Variants in DCLK1 observed in about 807,000 individuals in gnomAD.
The protein encoded by DCLK1 is serine/threonine-protein kinase DCLK1.
A neutral mutation model predicts 86.2 loss-of-function variants in DCLK1; 16 were observed. That is an observed-to-expected ratio of 0.19 (90% CI 0.13 to 0.28). DCLK1 has a LOEUF of 0.28. Ranked by LOEUF, DCLK1 falls within the 10% of genes least tolerant of loss-of-function variation. The pLI is 1.00. For synonymous variants in DCLK1, 369 were observed against 370.5 expected (o/e 1.00, Z 0.05); for missense variants, 590 against 940.2 (o/e 0.63, Z 4.87).
chr13:35,869,541 T>A (rs1234726689), intron 5 of DCLK1, among the ~76,000 whole-genome samples: 1 of 152,204 alleles, frequency 6.6e-6, no homozygotes, highest in Non-Finnish European at 1.5e-5. Flanking sequence ...AAGGAAGTCA[T>A]CTCTGTCATG....
intron 4 of DCLK1, among the ~76,000 whole-genome samples, chr13:35,921,314 C>T (rs939166525): frequency 1.3e-5 from 2 of 152,104 alleles, no homozygotes; most frequent in African/African-American, 4.8e-5. Context: ...GTGTGTGTTC[C>T]CTGTACCTGA....
intron 6 of DCLK1, chr13:35,850,144 A>G: frequency 1.0e-6 from 1 of 985,280 alleles, no homozygotes; most frequent in Non-Finnish European, 1.2e-6. Flanking sequence ...GTACTAACCC[A>G]CAAAACAGTA....
chr13:35,943,978 A>C (rs1313468333), intron 4 of DCLK1, among the ~76,000 whole-genome samples: 3 of 152,128 alleles, frequency 2.0e-5, no homozygotes, highest in Non-Finnish European at 2.9e-5. Flanking sequence ...CAAGGTGCTA[A>C]GATTCTACTG....
chr13:35,828,629 T>C (rs1171073682), intron 8 of DCLK1, among the ~76,000 whole-genome samples: 1 of 152,144 alleles, frequency 6.6e-6, no homozygotes, highest in East Asian at 1.9e-4. Context: ...TTTCCTTCCT[T>C]TTCTTACTGT....
intron 16 of DCLK1, among the ~76,000 whole-genome samples, chr13:35,784,805 A>T (rs893034604): frequency 2.0e-5 from 3 of 152,084 alleles, no homozygotes; most frequent in Non-Finnish European, 4.4e-5. Context: ...AGCAACCTGC[A>T]ATGCATTGCA....
chr13:35,914,056 G>A (rs1252905045), intron 4 of DCLK1, among the ~76,000 whole-genome samples: 3 of 152,078 alleles, frequency 2.0e-5, no homozygotes, highest in African/African-American at 7.2e-5. Context: ...GATGGCTCAT[G>A]CCTGTAGTCC....
intron 3 of DCLK1, among the ~76,000 whole-genome samples, chr13:36,087,709 C>T (rs1408424561): frequency 1.3e-5 from 2 of 152,088 alleles, no homozygotes; most frequent in Non-Finnish European, 2.9e-5. Flanking sequence ...TCTCCCTCCT[C>T]TCCACTCTCT....
intron 4 of DCLK1, among the ~76,000 whole-genome samples, chr13:35,911,855 G>A (rs1245514543): frequency 6.6e-6 from 1 of 152,158 alleles, no homozygotes; most frequent in African/African-American, 2.4e-5. Flanking sequence ...CCAGCAGTGG[G>A]CTGATTGTTT....
At chr13:35,954,035 A>T (rs1222522326) in intron 3 of DCLK1, among the ~76,000 whole-genome samples, 3 of 152,186 alleles carry the variant, frequency 2.0e-5, no homozygotes, top group African/African-American at 7.2e-5. Flanking sequence ...AATTCATTCC[A>T]TCTATTGCAA....
At position 35,771,166 on chromosome 13, in the gene DCLK1, A is replaced by C. The variant is rs2086326055; in HGVS notation, c.*3369T>G. 6.6e-6 allele frequency: 1 copy of C among 152,154 alleles called. No individual in the cohort carries two copies. Among genetic ancestry groups the C allele is most frequent in the Non-Finnish European group, 1.5e-5 (1 of 68,034 alleles). The allele number at this position is 152,154 out of a possible 1,614,324, so 9.4% of individuals were successfully genotyped here. On this transcript the variant is annotated 3_prime_UTR_variant, in exon 17 of 17. Coordinates refer to ENST00000360631, the MANE Select transcript of DCLK1 (RefSeq NM_001330071.2). ...GGGAGCTCTGTGACCCTCTAAGCCAAATTTTCTTTTCTTTTTGTTTTCAAC... is the reference window on the plus strand; with the variant it reads ...GGGAGCTCTGTGACCCTCTAAGCCACATTTTCTTTTCTTTTTGTTTTCAAC...
intron 4 of DCLK1, among the ~76,000 whole-genome samples, chr13:35,902,711 G>C (rs1392887885): frequency 6.6e-6 from 1 of 152,132 alleles, no homozygotes. Flanking sequence ...GGGGGGTGCT[G>C]TGACAATGAC....
chr13:36,075,727 C>T (rs772106926), intron 3 of DCLK1, among the ~76,000 whole-genome samples: 2 of 152,010 alleles, frequency 1.3e-5, no homozygotes, highest in Non-Finnish European at 2.9e-5. Flanking sequence ...CTAAGAAATG[C>T]TAGTGTTGAC....
chr13:35,848,493 G>A, intron 6 of DCLK1: 2 of 985,284 alleles, frequency 2.0e-6, no homozygotes, highest in South Asian at 4.7e-5. Flanking sequence ...GAGATTAAAT[G>A]CTGTGGAAAG....
chr13:35,777,941 TTAAC>T (rs1216554629), intron 16 of DCLK1, among the ~76,000 whole-genome samples: 3 of 152,230 alleles, frequency 2.0e-5, no homozygotes, highest in Admixed American at 1.3e-4. Flanking sequence ...TTGATCCTAA[TTAAC>T]TGTTTTCCCT....
chr13:35,939,438 C>G (rs1453944720), intron 4 of DCLK1, among the ~76,000 whole-genome samples: 2 of 152,232 alleles, frequency 1.3e-5, no homozygotes, highest in African/African-American at 4.8e-5. Context: ...GAGACAAAGT[C>G]TCGCTCTTTT....
intron 11 of DCLK1, among the ~76,000 whole-genome samples, chr13:35,818,074 G>C (rs1040623326): frequency 1.3e-5 from 2 of 152,166 alleles, no homozygotes; most frequent in African/African-American, 2.4e-5. Context: ...AATAGGGCAG[G>C]ATTGGGGCCA....
At chr13:35,889,333 C>T (rs750610586) in intron 4 of DCLK1, among the ~76,000 whole-genome samples, 1 of 151,864 alleles carries the variant, frequency 6.6e-6, no homozygotes, top group Non-Finnish European at 1.5e-5. Context: ...TTTGTAAATA[C>T]GTTATATGCC....
intron 3 of DCLK1, among the ~76,000 whole-genome samples, chr13:36,025,352 A>G (rs1881988775): frequency 6.6e-6 from 1 of 152,244 alleles, no homozygotes; most frequent in Non-Finnish European, 1.5e-5. Flanking sequence ...GGACAACCAG[A>G]CACCCACATG....
chr13:35,886,662 G>A (rs1873281383), intron 4 of DCLK1, among the ~76,000 whole-genome samples: 1 of 152,128 alleles, frequency 6.6e-6, no homozygotes, highest in South Asian at 2.1e-4. Context: ...CAGCATGAGA[G>A]AACTCAGGAA....
Sources: gnomAD v4.1 joint callset for allele counts (sites outside exome capture counted in the v4.1 genomes callset) on GRCh38, gnomAD v4.1.1 for gene constraint, MANE v1.5 for transcripts, NCBI Gene and HGNC (gene_info 2026-07-23, HGNC 2026-07-21) for gene names.